The following ZNF284 variants were observed in gnomAD, a reference collection of about 807,000 sequenced individuals.
The protein encoded by ZNF284 is zinc finger protein 284.
ZNF284 carries 12 observed loss-of-function variants against 12.9 expected under a neutral mutation model. The observed-to-expected ratio is 0.93, with a 90% CI of 0.60 to 1.51. ZNF284 has a LOEUF of 1.51. ZNF284 is among the 40% of genes most tolerant of loss of function. The probability of loss-of-function intolerance (pLI) is 0.00; values close to 1 mark genes in which losing one functional copy is unlikely to be tolerated. For synonymous variants in ZNF284, 225 were observed against 236.5 expected, an observed-to-expected ratio of 0.95 and a Z score of 0.45; for missense variants, 667 against 707.3, an observed-to-expected ratio of 0.94 and a Z score of 0.65.
chr19:44,076,398 G>A lies in ZNF284; in HGVS notation c.9G>A (p.Met3Ile), dbSNP rs779258505. The A allele has an allele frequency of 6.2e-7, 1 of 1,609,564 alleles. No individual in the cohort carries two copies. The change falls in exon 2 of 5, where the codon ATG becomes ATA. Residue 3 changes from methionine to isoleucine, a missense_variant. By Grantham distance (10) the Met-to-Ile change is conservative. Coordinates refer to ENST00000421176, the MANE Select transcript of ZNF284 (RefSeq NM_001037813.4). MTMFKEAVTFKDV... is the reference protein window; with the variant it reads MTIFKEAVTFKDV... ...CCAAAGAAGGAGGAAAAATGACCAT[G>A]TTCAAGGTGAGTAAGTCTGGTCTCT...
Position 44,087,147 on chromosome 19 carries a change from C to T in ZNF284, c.1669C>T (p.Gln557Ter). Reference sequence around the variant, plus strand: ...TGAGCACAGTTCATGCCTTCAAGACCAACAAAGCGACCACAGTGGAGAAAA... The same window carrying T: ...TGAGCACAGTTCATGCCTTCAAGACTAACAAAGCGACCACAGTGGAGAAAA... ...SSEHSSCLQDQQSDHSGEKTS... is the reference protein window; with the variant it reads ...SSEHSSCLQD The change falls in exon 5 of 5, where the codon CAA becomes TAA. Residue 557 changes from glutamine to a stop codon, truncating the protein, a stop_gained. Coordinates refer to ENST00000421176, the MANE Select transcript of ZNF284 (RefSeq NM_001037813.4). LOFTEE classifies it low-confidence loss of function (END_TRUNC). The T allele has an allele frequency of 4.3e-6, 7 of 1,614,072 alleles. No homozygotes were observed. The highest frequency in any genetic ancestry group is 5.1e-6 in the Non-Finnish European group (6 of 1,179,976).
rs1967289043 is a variant in ZNF284 at position 44,087,794 on chromosome 19, GT to G, written c.*535del. ...TTTTTTTTTTTTTTTTTGAGACAGA[GT>G]ATCGCTCTGTCGCCCAGTATGGAGT... On this transcript the variant is annotated 3_prime_UTR_variant, in exon 5 of 5. Transcript: ENST00000421176. 1 of 140,072 alleles carries G rather than the reference GT, an allele frequency of 7.1e-6. No homozygotes were observed. The highest frequency in any genetic ancestry group is 2.2e-4 in the South Asian group (1 of 4,478). The allele number at this position is 140,072 out of a possible 1,614,324, so 8.7% of individuals were successfully genotyped here.
rs765689470 is a variant in ZNF284 at position 44,086,533 on chromosome 19, T to G, written c.1055T>G (p.Phe352Cys). The G allele has an allele frequency of 4.3e-6, 7 of 1,614,080 alleles. No individual in the cohort carries two copies. The highest frequency in any genetic ancestry group is 5.9e-6 in the Non-Finnish European group (7 of 1,180,044). ...LYKCEECGRS[F>C]TCRQDLCKHQ... Reference sequence around the variant, plus strand: ...AAATGTGAAGAATGTGGAAGGAGCTTCACTTGTAGGCAAGATCTTTGTAAG... The same window carrying G: ...AAATGTGAAGAATGTGGAAGGAGCTGCACTTGTAGGCAAGATCTTTGTAAG... The change falls in exon 5 of 5, where the codon TTC (phenylalanine) becomes TGC (cysteine). Residue 352 changes from phenylalanine to cysteine, a missense_variant. Transcript: ENST00000421176.
At chr19:44,077,490 C>T (rs1383325191) in intron 2 of ZNF284, among the ~76,000 whole-genome samples, 1 of 150,538 alleles carries the variant, frequency 6.6e-6, no homozygotes, top group East Asian at 1.9e-4. Context: ...TTTGATAATG[C>T]CCAGGGTTCT....
intron 4 of ZNF284, among the ~76,000 whole-genome samples, chr19:44,083,466 T>G (rs893400608): frequency 9.6e-5 from 6 of 62,332 alleles, no homozygotes; most frequent in African/African-American, 2.5e-4. Context: ...TATATATATA[T>G]ATATATATAG....
Position 44,085,759 on chromosome 19 carries a change from C to G in ZNF284, c.281C>G (p.Pro94Arg), listed in dbSNP as rs749034533. The part of the protein sequence containing the change: ...TELESVPETG[P>R]HEEWSCQQIW... Reference sequence around the variant, plus strand: ...TTGGAGTCTGTTCCAGAAACAGGACCACATGAAGAGTGGTCTTGCCAGCAA... The same window carrying G: ...TTGGAGTCTGTTCCAGAAACAGGACGACATGAAGAGTGGTCTTGCCAGCAA... Residue 94 changes from proline (P) to arginine (R), a missense_variant, in exon 5 of 5, where the codon CCA becomes CGA. Pro to Arg is a moderately radical substitution (Grantham distance 103). Coordinates refer to ENST00000421176, the MANE Select transcript of ZNF284 (RefSeq NM_001037813.4). 9 of 1,613,912 alleles carry G rather than the reference C, an allele frequency of 5.6e-6. No individual in the cohort carries two copies. In the East Asian group the frequency reaches 1.8e-4, roughly 32 times the overall value.
chr19:44,076,374 C>A lies in ZNF284; in HGVS notation c.-16C>A. The A allele has an allele frequency of 6.2e-7, 1 of 1,609,738 alleles. No homozygotes were observed. The highest frequency in any genetic ancestry group is 1.1e-5 in the South Asian group (1 of 90,208). On this transcript the variant is annotated 5_prime_UTR_variant, in exon 2 of 5. Coordinates refer to ENST00000421176, the MANE Select transcript of ZNF284 (RefSeq NM_001037813.4). Reference sequence around the variant, plus strand: ...ATAACTGAGAACTCTGCAAATTCCCCAAAGAAGGAGGAAAAATGACCATGT... The same window carrying A: ...ATAACTGAGAACTCTGCAAATTCCCAAAAGAAGGAGGAAAAATGACCATGT...
chr19:44,078,118 A>T (rs547785084), intron 2 of ZNF284, among the ~76,000 whole-genome samples: 2 of 152,254 alleles, frequency 1.3e-5, no homozygotes, highest in Non-Finnish European at 2.9e-5. Flanking sequence ...TCTTATGTAC[A>T]GAATGGAGAA....
rs924151303 is a variant in ZNF284 at position 44,087,592 on chromosome 19, CTTTTTTTTTTTT to C, written c.*347_*358del. On this transcript the variant is annotated 3_prime_UTR_variant, in exon 5 of 5. Coordinates refer to ENST00000421176, the MANE Select transcript of ZNF284 (RefSeq NM_001037813.4). ...TAATTGCTATGCCATGCTGCTTCTG[CTTTTTTTTTTTT>C]TTTTTTTTTTTTTTGAGAACAGAGT... 29 of 100,260 alleles carry C rather than the reference CTTTTTTTTTTTT, an allele frequency of 2.9e-4. No homozygotes were observed. Among genetic ancestry groups the C allele is most frequent in the African/African-American group, 1.3e-3 (27 of 21,400 alleles). 6.2% of individuals were successfully genotyped at this position (100,260 alleles called of 1,614,324 possible). A position where few individuals can be genotyped will look rare whatever the true frequency, so the allele number is the denominator to read the frequency against.
chr19:44,072,568 A>G (rs1966962463), intron 1 of ZNF284, among the ~76,000 whole-genome samples: 3 of 152,146 alleles, frequency 2.0e-5, no homozygotes, highest in African/African-American at 7.2e-5. Flanking sequence ...GGACCATCCT[A>G]ATGAAATCGT....
chr19:44,073,164 G>A (rs1339735776), intron 1 of ZNF284, among the ~76,000 whole-genome samples: 1 of 152,248 alleles, frequency 6.6e-6, no homozygotes, highest in Non-Finnish European at 1.5e-5. Flanking sequence ...CAAAGGAGCA[G>A]GAGTTATCTG....
At chr19:44,078,602 C>T (rs554435276) in intron 2 of ZNF284, among the ~76,000 whole-genome samples, 5 of 152,110 alleles carry the variant, frequency 3.3e-5, no homozygotes, top group South Asian at 4.2e-4. Flanking sequence ...GCTAGGACTA[C>T]GGGCACGCAC....
Position 44,087,262 on chromosome 19 carries a change from T to A in ZNF284, c.*2T>A, listed in dbSNP as rs560296427. On this transcript the variant is annotated 3_prime_UTR_variant, in exon 5 of 5. Transcript: ENST00000421176. ...TCATTATTTTTAAATGATATATAAT[T>A]ATTGTCCATATTTATGGGTTACAGC... is the stretch of plus-strand genomic sequence containing the variant. 6.6e-7 allele frequency: 1 copy of A among 1,513,340 alleles called. No homozygotes were observed. The highest frequency in any genetic ancestry group is 8.9e-7 in the Non-Finnish European group (1 of 1,126,296). 93.7% of individuals were successfully genotyped at this position (1,513,340 alleles called of 1,614,324 possible).
At chr19:44,079,505 C>G (rs919766338) in intron 2 of ZNF284, among the ~76,000 whole-genome samples, 1 of 151,922 alleles carries the variant, frequency 6.6e-6, no homozygotes, top group Non-Finnish European at 1.5e-5. Flanking sequence ...GTGAGGAGAT[C>G]GAGACCATCC....
chr19:44,080,109 G>A (rs1967097861), intron 2 of ZNF284, among the ~76,000 whole-genome samples: 1 of 152,218 alleles, frequency 6.6e-6, no homozygotes, highest in Non-Finnish European at 1.5e-5. Flanking sequence ...TGGCTGGGAA[G>A]GCAAAGGCAC....
intron 2 of ZNF284, among the ~76,000 whole-genome samples, chr19:44,077,535 C>CTTTTTTTTTTTTTTTTTTTTT (rs763788955): frequency 1.3e-5 from 1 of 76,238 alleles, no homozygotes; most frequent in Admixed American, 1.2e-4. Flanking sequence ...ATTTTTCTGT[C>CTTTTTTTTTTTTTTTTTTTTT]TTTTTTTTTT....
chr19:44,074,396 T>G (rs1457755939), intron 1 of ZNF284, among the ~76,000 whole-genome samples: 1 of 152,196 alleles, frequency 6.6e-6, no homozygotes, highest in African/African-American at 2.4e-5. Flanking sequence ...AACGTTTTAT[T>G]TTCATATCAT....
intron 4 of ZNF284, among the ~76,000 whole-genome samples, chr19:44,085,030 C>A (rs748617265): frequency 3.3e-5 from 5 of 152,108 alleles, no homozygotes; most frequent in Admixed American, 6.5e-5. Flanking sequence ...TCTCACTTAC[C>A]CTTTCCCAGC....
chr19:44,085,023 CACTT>C (rs1378675814), intron 4 of ZNF284, among the ~76,000 whole-genome samples: 1 of 152,116 alleles, frequency 6.6e-6, no homozygotes, highest in Non-Finnish European at 1.5e-5. Flanking sequence ...AGGGCTCTCT[CACTT>C]ACCCTTTCCC....
Sources: gnomAD v4.1 joint callset for allele counts (sites outside exome capture counted in the v4.1 genomes callset) on GRCh38, gnomAD v4.1.1 for gene constraint, MANE v1.5 for transcripts, NCBI Gene and HGNC (gene_info 2026-07-23, HGNC 2026-07-21) for gene names.